AHI1: variants seen among roughly 807,000 people sequenced by gnomAD.
AHI1 encodes the protein jouberin.
A neutral mutation model predicts 149.3 loss-of-function variants in AHI1; 123 were observed. The ratio of observed to expected loss-of-function variants is 0.82; its 90% CI spans 0.71 to 0.96. The LOEUF is 0.96. Among genes scored for constraint, AHI1 ranks in the 40% least tolerant of loss-of-function variants. The probability of loss-of-function intolerance (pLI) is 0.00; values close to 1 mark genes in which losing one functional copy is unlikely to be tolerated. For missense variants in AHI1, 1,439 were observed against 1,422.7 expected (o/e 1.01, Z -0.18); for synonymous variants, 475 against 459.8 (o/e 1.03, Z -0.42).
At position 135,436,663 on chromosome 6, in the gene AHI1, C is replaced by T. The variant is rs377460779; in HGVS notation, c.2036+1712G>A. Reference sequence around the variant, plus strand: ...TGTCACCCAGGCTGGAGTGCAATGGCGCAATCTCGGCTCACTGCAACCTCC... The same window carrying T: ...TGTCACCCAGGCTGGAGTGCAATGGTGCAATCTCGGCTCACTGCAACCTCC... On this transcript the variant is annotated intron_variant, in intron 15 of 28. Coordinates refer to ENST00000265602, the MANE Select transcript of AHI1 (RefSeq NM_001134831.2). Among the ~76,000 whole-genome samples the T allele has an allele frequency of 9.2e-5, 14 of 152,240 alleles. 1 individual carries two copies. Among genetic ancestry groups the T allele is most frequent in the East Asian group, 1.9e-4 (1 of 5,180 alleles).
At chr6:135,438,272 GA>G in intron 15 of AHI1, 102 bp downstream of exon 15, 1 of 1,133,866 alleles carries the variant, frequency 8.8e-7, no homozygotes, top group Admixed American at 3.4e-5. Context: ...CCCTTCTTGG[GA>G]AAATACGACT....
intron 15 of AHI1, 24 bp downstream of exon 15, chr6:135,438,351 T>C (rs1322071012): frequency 6.4e-7 from 1 of 1,571,150 alleles, no homozygotes; most frequent in Non-Finnish European, 8.7e-7. Context: ...AGCATGCACA[T>C]AAGTACTTCT....
intron 22 of AHI1, among the ~76,000 whole-genome samples, chr6:135,401,685 T>C (rs1274511741): frequency 1.3e-5 from 2 of 152,104 alleles, no homozygotes; most frequent in Non-Finnish European, 2.9e-5. Context: ...ATACAAAAAT[T>C]AATGCAAAAT....
chr6:135,329,749 C>T (rs1206893734), intron 24 of AHI1, among the ~76,000 whole-genome samples: 7 of 152,128 alleles, frequency 4.6e-5, no homozygotes, highest in African/African-American at 1.7e-4. Context: ...TGAATACGAG[C>T]AAGTAAGTTG....
At position 135,313,974 on chromosome 6, in the gene AHI1, C is replaced by T. The variant is rs138341385; in HGVS notation, c.3426+4545G>A. Among the ~76,000 whole-genome samples, 373 of 152,310 alleles carry T rather than the reference C, an allele frequency of 2.4e-3. 4 individuals are homozygous for T. The highest frequency in any genetic ancestry group is 8.4e-3 in the African/African-American group (350 of 41,572). ...GTAAAGACTGTATGTTTCATAGCAT[C>T]ACACAGTTTTTAATACAGACTAAAA... is the stretch of plus-strand genomic sequence containing the variant. On this transcript the variant is annotated intron_variant, in intron 26 of 28. Coordinates refer to ENST00000265602, the MANE Select transcript of AHI1 (RefSeq NM_001134831.2).
intron 20 of AHI1, among the ~76,000 whole-genome samples, chr6:135,411,954 A>G (rs1327771112): frequency 6.6e-6 from 1 of 152,202 alleles, no homozygotes; most frequent in Non-Finnish European, 1.5e-5. Flanking sequence ...TCTATATATC[A>G]TAATGTAAAT....
At chr6:135,428,521 C>CA in intron 19 of AHI1, 108 bp downstream of exon 19, 1 of 1,299,640 alleles carries the variant, frequency 7.7e-7, no homozygotes, top group South Asian at 2.4e-5. Context: ...ATTGAAAACC[C>CA]AAAATCAGAA....
At chr6:135,330,318 C>A (rs1448489235) in intron 24 of AHI1, among the ~76,000 whole-genome samples, 2 of 152,056 alleles carry the variant, frequency 1.3e-5, no homozygotes, top group Non-Finnish European at 1.5e-5. Flanking sequence ...CCACAACCTT[C>A]AGCAACTATC....
At chr6:135,301,799 G>C in intron 26 of AHI1, 1 of 985,342 alleles carries the variant, frequency 1.0e-6, no homozygotes, top group East Asian at 1.1e-4. Flanking sequence ...ACGTGTTTGG[G>C]AAAAAAGTAC....
At chr6:135,337,102 C>A (rs1296709863) in intron 24 of AHI1, among the ~76,000 whole-genome samples, 1 of 152,112 alleles carries the variant, frequency 6.6e-6, no homozygotes, top group Admixed American at 6.6e-5. Context: ...CCTCATGGAA[C>A]CATGGGAACA....
rs761997683 is a variant in AHI1, at chr6:135,482,894, C to CTT, written c.135+7727_135+7728dup. 4.1e-4 allele frequency among the ~76,000 whole-genome samples: 23 copies of CTT among 55,734 alleles called. 5 individuals carry two copies. The highest frequency in any genetic ancestry group is 1.2e-3 in the East Asian group (2 of 1,680). 36.6% of individuals were successfully genotyped at this position (55,734 alleles called of 152,430 possible). Reference sequence around the variant, plus strand: ...TTCAACCAGTATAATCCATTTAAGGCTTTTTTTTTTTTTTTGAGACAGAGT... The same window carrying CTT: ...TTCAACCAGTATAATCCATTTAAGGCTTTTTTTTTTTTTTTTTGAGACAGAGT... On this transcript the variant is annotated intron_variant, in intron 5 of 28. Coordinates refer to ENST00000265602, the MANE Select transcript of AHI1 (RefSeq NM_001134831.2).
At chr6:135,489,645 A>T (rs980681832) in intron 5 of AHI1, among the ~76,000 whole-genome samples, 4 of 152,152 alleles carry the variant, frequency 2.6e-5, no homozygotes, top group African/African-American at 9.7e-5. Flanking sequence ...TGGGAGTGCT[A>T]ATCTGTCCAT....
chr6:135,469,538 A>G (rs1791361991), intron 5 of AHI1, among the ~76,000 whole-genome samples: 1 of 152,220 alleles, frequency 6.6e-6, no homozygotes, highest in African/African-American at 2.4e-5. Context: ...AAACAAAAAG[A>G]ACAAAGCTGG....
Position 135,465,971 on chromosome 6 carries a change from C to T in AHI1, c.592G>A (p.Glu198Lys). The T allele has an allele frequency of 6.2e-7, 1 of 1,613,014 alleles. No individual in the cohort carries two copies. Among genetic ancestry groups the T allele is most frequent in the South Asian group, 1.1e-5 (1 of 90,476 alleles). Residue 198 changes from glutamate to lysine, a missense_variant, in exon 7 of 29, where the codon GAA becomes AAA. Coordinates refer to ENST00000265602, the MANE Select transcript of AHI1 (RefSeq NM_001134831.2). ...CTCTTAATCTCCTTTGCCATTTCTT[C>T]AGTTACATGGCACTGATATGCTTGC... is the stretch of plus-strand genomic sequence containing the variant. ...LMQAYQCHVT[E>K]EMAKEIKRKI...
At chr6:135,423,473 TAA>T (rs2127998681) in intron 20 of AHI1, among the ~76,000 whole-genome samples, 1 of 152,268 alleles carries the variant, frequency 6.6e-6, no homozygotes, top group African/African-American at 2.4e-5. Flanking sequence ...TGAACTCTGG[TAA>T]AGTGTGCCAC....
chr6:135,336,958 C>T (rs930770875), intron 24 of AHI1, among the ~76,000 whole-genome samples: 5 of 152,126 alleles, frequency 3.3e-5, no homozygotes, highest in Admixed American at 1.3e-4. Context: ...ATTTATCATG[C>T]CTTAGTTTCC....
intron 22 of AHI1, among the ~76,000 whole-genome samples, chr6:135,399,108 C>T (rs2128490808): frequency 6.6e-6 from 1 of 152,284 alleles, no homozygotes; most frequent in South Asian, 2.1e-4. Context: ...TGCTTAAGTC[C>T]AGAAGGTCGA....
intron 13 of AHI1, among the ~76,000 whole-genome samples, chr6:135,446,313 G>A (rs949013802): frequency 6.6e-6 from 1 of 152,132 alleles, no homozygotes; most frequent in African/African-American, 2.4e-5. Context: ...TAGGGGGAGA[G>A]ACAACAGGGG....
At chr6:135,340,042 T>A (rs1790047424) in intron 24 of AHI1, among the ~76,000 whole-genome samples, 1 of 151,530 alleles carries the variant, frequency 6.6e-6, no homozygotes. Flanking sequence ...CAACCAAGAG[T>A]TCAAACCATC....
Sources: gnomAD v4.1 joint callset for allele counts (sites outside exome capture counted in the v4.1 genomes callset) on GRCh38, gnomAD v4.1.1 for gene constraint, MANE v1.5 for transcripts, NCBI Gene and HGNC (gene_info 2026-07-23, HGNC 2026-07-21) for gene names.